Variants in ANKRD11 observed in about 807,000 individuals in gnomAD.
The protein encoded by ANKRD11 is ankyrin repeat domain-containing protein 11.
ANKRD11 carries 17 observed loss-of-function variants against 195.7 expected under a neutral mutation model. The ratio of observed to expected loss-of-function variants is 0.09; its 90% confidence interval spans 0.06 to 0.13. The LOEUF (loss-of-function observed/expected upper bound fraction) is 0.13, where lower values mean the gene tolerates loss of function less well. Among genes scored for constraint, ANKRD11 ranks in the 10% least tolerant of loss-of-function variants. ANKRD11 has a pLI of 1.00. For synonymous variants in ANKRD11, 1,953 were observed against 1,528.1 expected (o/e 1.28, Z -6.49); for missense variants, 3,735 against 3,566.1 (o/e 1.05, Z -1.21).
intron 2 of ANKRD11, among the ~76,000 whole-genome samples, chr16:89,356,338 G>A (rs2039470962): frequency 7.3e-6 from 1 of 136,488 alleles, no homozygotes; most frequent in African/African-American, 2.8e-5. Context: ...CAAGCCATCC[G>A]CTGAGGTGAG....
intron 2 of ANKRD11, among the ~76,000 whole-genome samples, chr16:89,343,995 A>G (rs973541701): frequency 2.6e-5 from 4 of 152,214 alleles, no homozygotes; most frequent in Non-Finnish European, 1.5e-5. Flanking sequence ...CCAGGGGCAC[A>G]TCACAGACAT....
intron 1 of ANKRD11, among the ~76,000 whole-genome samples, chr16:89,431,623 A>C (rs1013718464): frequency 6.6e-6 from 1 of 151,950 alleles, no homozygotes; most frequent in Non-Finnish European, 1.5e-5. Flanking sequence ...ATTTTGTTTC[A>C]CTTGCTACAT....
chr16:89,374,780 C>T (rs371751020), intron 2 of ANKRD11, among the ~76,000 whole-genome samples: 1 of 152,180 alleles, frequency 6.6e-6, no homozygotes, highest in Non-Finnish European at 1.5e-5. Context: ...TGGACACACA[C>T]GTGTGCACAG....
rs776967307 is a variant in ANKRD11 at position 89,284,774 on chromosome 16, T to C, written c.1768A>G (p.Lys590Glu). 1 of 1,613,666 alleles carries C rather than the reference T, an allele frequency of 6.2e-7. No homozygotes were observed. Among genetic ancestry groups the C allele is most frequent in the Admixed American group, 1.7e-5 (1 of 60,030 alleles). Residue 590 changes from lysine (K) to glutamate (E), a missense_variant, in exon 9 of 13, where the codon AAG becomes GAG. Transcript: ENST00000301030. ...TGCTCCTGCCTCTTCCTCACTGGCT[T>C]CAGCGATTCCACACTGGAGCCCTCA... is the stretch of plus-strand genomic sequence containing the variant. ...SSEGSSVESL[K>E]PVRKRQEHRK... is the part of the protein sequence containing the mutation.
At chr16:89,292,902 C>T (rs2035158345) in intron 4 of ANKRD11, among the ~76,000 whole-genome samples, 1 of 152,228 alleles carries the variant, frequency 6.6e-6, no homozygotes, top group Non-Finnish European at 1.5e-5. Flanking sequence ...GCCCGGGGGC[C>T]GGCCCTCCCC....
At chr16:89,445,243 A>T (rs1253208699) in intron 1 of ANKRD11, among the ~76,000 whole-genome samples, 1 of 152,238 alleles carries the variant, frequency 6.6e-6, no homozygotes, top group East Asian at 1.9e-4. Flanking sequence ...GGCATTAACC[A>T]ATGTATTAGT....
rs548940513 is a variant in ANKRD11 at position 89,423,842 on chromosome 16, C to T, written c.-144-5474G>A. Among the ~76,000 whole-genome samples the T allele has an allele frequency of 3.0e-4, 46 of 152,298 alleles. 1 individual carries two copies. The South Asian group carries it at 9.1e-3, about 30-fold the overall frequency. On this transcript the variant is annotated intron_variant, in intron 1 of 12. Coordinates refer to ENST00000301030, the MANE Select transcript of ANKRD11 (RefSeq NM_013275.6). ...GATGTAACAAACCGCACGGCTCGTG[C>T]ACCTAGAAGGTCACAATAAGCGAAC...
chr16:89,461,541 C>A (rs1039031884), intron 1 of ANKRD11, among the ~76,000 whole-genome samples: 1 of 152,154 alleles, frequency 6.6e-6, no homozygotes, highest in Non-Finnish European at 1.5e-5. Flanking sequence ...AGGGTATCTT[C>A]ATTTGCCCAG....
At chr16:89,272,868 G>T (rs1408672405) in intron 11 of ANKRD11, 1 of 152,012 alleles carries the variant, frequency 6.6e-6, no homozygotes, top group Non-Finnish European at 1.5e-5. Context: ...ATGGAACTGG[G>T]GTCATGATGT....
At chr16:89,290,434 G>T (rs111261286) in intron 6 of ANKRD11, among the ~76,000 whole-genome samples, 191 bp downstream of exon 6, 2 of 87,382 alleles carry the variant, frequency 2.3e-5, no homozygotes, top group East Asian at 2.5e-4. Flanking sequence ...CCAATGGGGG[G>T]AGGCTCAGGG....
chr16:89,416,037 C>T (rs944720303), intron 2 of ANKRD11, among the ~76,000 whole-genome samples: 3 of 151,854 alleles, frequency 2.0e-5, no homozygotes, highest in Non-Finnish European at 4.4e-5. Flanking sequence ...TCAATCTAAC[C>T]ACCACAGGCA....
Position 89,282,607 on chromosome 16 carries a change from C to G in ANKRD11, c.3935G>C (p.Gly1312Ala), listed in dbSNP as rs1177362535. 1.2e-6 allele frequency: 2 copies of G among 1,614,072 alleles called. No individual in the cohort carries two copies. The highest frequency in any genetic ancestry group is 4.5e-5 in the East Asian group (2 of 44,890). ...EVSSDSFTDRGQEPGLTAFLE... is the reference protein window; with the variant it reads ...EVSSDSFTDRAQEPGLTAFLE... ...GAAGGCAGTCAGCCCCGGCTCCTGC[C>G]CTCGGTCCGTGAAGCTGTCAGAGGA... Residue 1312 changes from glycine (G) to alanine (A), a missense_variant, in exon 9 of 13, where the codon GGG becomes GCG. By Grantham distance (60) the Gly-to-Ala change is moderately conservative. Coordinates refer to ENST00000301030, the MANE Select transcript of ANKRD11 (RefSeq NM_013275.6).
At position 89,279,724 on chromosome 16, in the gene ANKRD11, C is replaced by A; in HGVS notation, c.6818G>T (p.Gly2273Val). 6.5e-7 allele frequency: 1 copy of A among 1,535,842 alleles called. No homozygotes were observed. The highest frequency in any genetic ancestry group is 8.7e-7 in the Non-Finnish European group (1 of 1,146,308). Residue 2273 changes from glycine to valine, a missense_variant, in exon 9 of 13, where the codon GGC becomes GTC. Physicochemically the swap from Gly to Val is moderately radical, Grantham distance 109. Coordinates refer to ENST00000301030, the MANE Select transcript of ANKRD11 (RefSeq NM_013275.6). The surrounding 1 kb of genome is among the most constrained non-coding windows in gnomAD (Gnocchi z 5.6). ...TTGTGCCACAGTGTTCGGGGCGGGG[C>A]CGTCAGGGGCACAGAGGGACGCGGC... ...PPAASLCAPD[G>V]PAPNTVAQAQ... is the part of the protein sequence containing the mutation.
At position 89,280,496 on chromosome 16, in the gene ANKRD11, G is replaced by C; in HGVS notation, c.6046C>G (p.Pro2016Ala). 1.9e-6 allele frequency: 3 copies of C among 1,593,760 alleles called. No homozygotes were observed. Among genetic ancestry groups the C allele is most frequent in the Admixed American group, 1.7e-5 (1 of 57,602 alleles). The change falls in exon 9 of 13, where the codon CCC (proline) becomes GCC (alanine). Residue 2016 changes from proline (P) to alanine (A), a missense_variant. Transcript: ENST00000301030. The part of the protein sequence containing the change: ...GPFSASEAPY[P>A]APPASPAPYA... ...GGGGCAGGAGAGGCGGGAGGGGCGG[G>C]GTACGGCGCCTCCGAGGCGCTGAAG...
intron 1 of ANKRD11, among the ~76,000 whole-genome samples, chr16:89,428,945 T>C (rs1408797882): frequency 6.6e-6 from 1 of 152,024 alleles, no homozygotes; most frequent in Non-Finnish European, 1.5e-5. Flanking sequence ...GAATGTGCAC[T>C]GTTCTTTTAA....
chr16:89,384,874 G>GTTTTTTTTTTTTTTTTTT (rs1257714722), intron 2 of ANKRD11, among the ~76,000 whole-genome samples: 3 of 72,768 alleles, frequency 4.1e-5, no homozygotes, highest in African/African-American at 5.6e-5. Context: ...ATGAGAAATA[G>GTTTTTTTTTTTTTTTTTT]TTTTCTTTTT....
chr16:89,334,070 G>A (rs1284142202), intron 2 of ANKRD11, among the ~76,000 whole-genome samples: 1 of 147,922 alleles, frequency 6.8e-6, no homozygotes, highest in African/African-American at 2.5e-5. Context: ...CAAGCACTTT[G>A]GAAGGCTGAG....
In ANKRD11 at chr16:89,284,085, G is replaced by A. The variant is rs929082720; in HGVS notation, c.2457C>T (p.Asn819=). The part of the protein sequence containing the change: ...REDSAFDEYC[N]KNQFLENEDT... ...CTTCATTCTCCAGAAACTGATTTTTGTTACAATATTCGTCAAAAGCAGAAT... is the reference window on the plus strand; with the variant it reads ...CTTCATTCTCCAGAAACTGATTTTTATTACAATATTCGTCAAAAGCAGAAT... Residue 819 remains asparagine (N), a synonymous_variant, in exon 9 of 13, where the codon AAC becomes AAT. Coordinates refer to ENST00000301030, the MANE Select transcript of ANKRD11 (RefSeq NM_013275.6). 1.2e-6 allele frequency: 2 copies of A among 1,613,858 alleles called. No homozygotes were observed. Among genetic ancestry groups the A allele is most frequent in the Admixed American group, 1.7e-5 (1 of 59,990 alleles).
At chr16:89,295,985 C>CTTTTTTTTTTTTTTTTTTTTTTT (rs60214636) in intron 4 of ANKRD11, among the ~76,000 whole-genome samples, 14 of 45,146 alleles carry the variant, frequency 3.1e-4, no homozygotes, top group East Asian at 6.5e-4. Flanking sequence ...ATCTGGCTGC[C>CTTTTTTTTTTTTTTTTTTTTTTT]TTTTTTTTTT....
Sources: allele counts gnomAD v4.1 joint callset (sites outside exome capture counted in the v4.1 genomes callset), GRCh38; gene constraint gnomAD v4.1.1; non-coding constraint Gnocchi (gnomAD v3.1); transcripts MANE v1.5; gene names NCBI Gene and HGNC (gene_info 2026-07-23, HGNC 2026-07-21).